Variants in SLC2A3 observed in about 807,000 individuals in gnomAD.
SLC2A3 encodes solute carrier family 2 member 3.
In SLC2A3, 21 loss-of-function variants were observed where a neutral mutation model predicts 46.4. The observed-to-expected ratio is 0.45, with a 90% confidence interval of 0.32 to 0.65. The LOEUF (loss-of-function observed/expected upper bound fraction) is 0.65. Ranked by LOEUF, SLC2A3 falls within the 30% of genes least tolerant of loss-of-function variation. The probability of loss-of-function intolerance (pLI) is 0.04; values close to 1 mark genes in which losing one functional copy is unlikely to be tolerated. For synonymous variants in SLC2A3, 213 were observed against 239.4 expected, an observed-to-expected ratio of 0.89 and a Z score of 1.02; for missense variants, 499 against 623.3, an observed-to-expected ratio of 0.80 and a Z score of 2.12.
rs906522967 is a variant in SLC2A3 at position 7,923,346 on chromosome 12, A to AT, written c.1069-323dup. 2.0e-3 allele frequency: 430 copies of AT among 211,614 alleles called. 1 individual carries two copies. Among genetic ancestry groups the AT allele is most frequent in the South Asian group, 4.1e-3 (43 of 10,430 alleles). The allele number at this position is 211,614 out of a possible 1,614,324, so 13.1% of individuals were successfully genotyped here. ...ACCACACCTGCCTAATTAAAAAAAAATTTTTTTTTTGGCCAGGAGCTGTGG... is the reference window on the plus strand; with the variant it reads ...ACCACACCTGCCTAATTAAAAAAAAATTTTTTTTTTTGGCCAGGAGCTGTGG... On this transcript the variant is annotated intron_variant, in intron 8 of 9. Coordinates refer to ENST00000075120, the MANE Select transcript of SLC2A3 (RefSeq NM_006931.3).
intron 3 of SLC2A3, 99 bp from the exon 4 acceptor site, chr12:7,931,584 T>A: frequency 4.0e-6 from 6 of 1,494,308 alleles, no homozygotes; most frequent in African/African-American, 1.4e-5. Context: ...GCTCATATCA[T>A]CCCTTTTTTT....
intron 6 of SLC2A3, among the ~76,000 whole-genome samples, chr12:7,927,876 G>A (rs1445183410): frequency 6.6e-6 from 1 of 152,094 alleles, no homozygotes; most frequent in African/African-American, 2.4e-5. Context: ...CTGAGGTCAG[G>A]AGTTTGAGAC....
intron 1 of SLC2A3, among the ~76,000 whole-genome samples, chr12:7,935,127 C>T (rs1162591471): frequency 6.6e-6 from 1 of 152,126 alleles, no homozygotes; most frequent in Non-Finnish European, 1.5e-5. Flanking sequence ...CCACACCTGG[C>T]CCCTTATTTT....
At chr12:7,933,456 G>C in intron 2 of SLC2A3, 1 of 483,546 alleles carries the variant, frequency 2.1e-6, no homozygotes, top group Non-Finnish European at 3.7e-6. Context: ...AGGTGAAAGA[G>C]TGGGAGGAAG....
chr12:7,930,171 G>C (rs1444187734), intron 5 of SLC2A3: 1 of 550,672 alleles, frequency 1.8e-6, no homozygotes, highest in Non-Finnish European at 3.0e-6. Context: ...TTTTAGTAGA[G>C]ACAGGGTTTC....
In SLC2A3 at chr12:7,935,715, C is replaced by T. The variant is rs181181938; in HGVS notation, c.15+305G>A. ...AGACCCACACTTGTAATCCATACAA[C>T]CAAGCAGCCCGATCCTCTAAACACT... On this transcript the variant is annotated intron_variant, in intron 1 of 9. Coordinates refer to ENST00000075120, the MANE Select transcript of SLC2A3 (RefSeq NM_006931.3). Among the ~76,000 whole-genome samples, 5 of 152,224 alleles carry T rather than the reference C, an allele frequency of 3.3e-5. No individual in the cohort carries two copies. In the East Asian group the frequency reaches 5.8e-4, roughly 18 times the overall value.
At position 7,922,860 on chromosome 12, in the gene SLC2A3, G is replaced by C. The variant is rs986654659; in HGVS notation, c.1233C>G (p.Thr411=). 1 of 1,614,052 alleles carries C rather than the reference G, an allele frequency of 6.2e-7. No individual in the cohort carries two copies. Among genetic ancestry groups the C allele is most frequent in the African/African-American group, 1.3e-5 (1 of 75,056 alleles). The change falls in exon 9 of 10, where the codon ACC becomes ACG. Residue 411 remains threonine (T), a synonymous_variant. Transcript: ENST00000075120. The part of the protein sequence containing the change: ...AMAVAGCSNW[T]SNFLVGLLFP... ...AGAGCAATCCGACTAGGAAGTTGGA[G>C]GTCCAGTTGGAGCAGCCGGCCACTG... is the stretch of plus-strand genomic sequence containing the variant.
Position 7,920,589 on chromosome 12 carries a change from G to A in SLC2A3, c.*824C>T, listed in dbSNP as rs967727288. The A allele has an allele frequency of 2.0e-5, 3 of 151,990 alleles. No homozygotes were observed. The highest frequency in any genetic ancestry group is 4.4e-5 in the Non-Finnish European group (3 of 67,992). 9.4% of individuals were successfully genotyped at this position (151,990 alleles called of 1,614,324 possible). A position where few individuals can be genotyped will look rare whatever the true frequency, so the allele number is the denominator to read the frequency against. The stretch of plus-strand genomic sequence containing the variant: ...TATTATATAGGTATATGACTTTTAC[G>A]AGAAGTTAAAGAGTTTCCATCTGAA... On this transcript the variant is annotated 3_prime_UTR_variant, in exon 10 of 10. Transcript: ENST00000075120.
rs148937156 is a variant in SLC2A3 at position 7,933,096 on chromosome 12, G to A, written c.160C>T (p.Pro54Ser). ...KTLTDKGNAP[P>S]SEVLLTSLWS... ...AGAGACGTGAGCAGCACCTCAGAGG[G>A]TGGGGCATTTCCCTTGTCCGTCAAA... The change falls in exon 3 of 10, where the codon CCC (proline) becomes TCC (serine). Residue 54 changes from proline (P) to serine (S), a missense_variant. Around this residue, in one of 5 missense-constraint regions of SLC2A3, gnomAD observed 248 missense variants for 284.0 expected, o/e 0.87. Transcript: ENST00000075120. The A allele has an allele frequency of 2.4e-4, 391 of 1,614,090 alleles. 1 individual carries two copies. In the African/African-American group the frequency reaches 4.1e-3, roughly 17 times the overall value.
intron 3 of SLC2A3, among the ~76,000 whole-genome samples, chr12:7,931,871 C>T (rs1231884825): frequency 7.3e-6 from 1 of 137,276 alleles, no homozygotes; most frequent in Non-Finnish European, 1.5e-5. Flanking sequence ...TCTAGAATAT[C>T]TAATTGGCAT....
At chr12:7,935,911 A>G (rs763312147) in intron 1 of SLC2A3, 109 bp downstream of exon 1, 7 of 937,780 alleles carry the variant, frequency 7.5e-6, no homozygotes, top group Non-Finnish European at 1.2e-5. Flanking sequence ...AGGCCTTAAG[A>G]TAGCTTGGTG....
rs953859055 is a variant in SLC2A3, at chr12:7,930,733, C to A, written c.511-91G>T. The A allele has an allele frequency of 8.5e-6, 11 of 1,294,730 alleles. No individual in the cohort carries two copies. In the East Asian group the frequency reaches 2.3e-4, roughly 28 times the overall value. 80.2% of individuals were successfully genotyped at this position (1,294,730 alleles called of 1,614,324 possible). A position where few individuals can be genotyped will look rare whatever the true frequency, so the allele number is the denominator to read the frequency against. On this transcript the variant is annotated intron_variant, in intron 4 of 9. Transcript: ENST00000075120. ...CAAAAAGTTCAGAAAATCATACATT[C>A]TTTTACCATGTGAAAAAATAAACAA...
At chr12:7,931,554 AT>A in intron 3 of SLC2A3, 69 bp from the exon 4 acceptor site, 1 of 1,590,750 alleles carries the variant, frequency 6.3e-7, no homozygotes, top group East Asian at 2.2e-5. Context: ...CTCTGTCCTC[AT>A]TATTCTGTTC....
intron 4 of SLC2A3, 151 bp from the exon 5 acceptor site, chr12:7,930,793 T>G (rs1435828320): frequency 4.6e-4 from 12 of 25,884 alleles, no homozygotes; most frequent in Non-Finnish European, 4.4e-4. Context: ...CTCAGCATGG[T>G]TTTTTTTTTT....
chr12:7,929,557 T>C (rs1266877006), intron 6 of SLC2A3, 127 bp downstream of exon 6: 1 of 1,378,724 alleles, frequency 7.3e-7, no homozygotes, highest in East Asian at 2.6e-5. Flanking sequence ...CTGAAACTCC[T>C]GAGCTCAAGT....
At chr12:7,929,550 A>C in intron 6 of SLC2A3, 134 bp downstream of exon 6, 2 of 1,337,640 alleles carry the variant, frequency 1.5e-6, no homozygotes, top group South Asian at 1.5e-5. Context: ...CTGCAACCTG[A>C]AACTCCTGAG....
At chr12:7,932,842 C>T (rs1946171224) in intron 3 of SLC2A3, 145 bp downstream of exon 3, 22 of 1,210,912 alleles carry the variant, frequency 1.8e-5, no homozygotes, top group South Asian at 6.1e-5. Context: ...CAGTCATATT[C>T]GGGGCCAGTT....
At position 7,919,855 on chromosome 12, in the gene SLC2A3, T is replaced by G. The variant is rs1382319146; in HGVS notation, c.*1558A>C. The G allele has an allele frequency of 6.6e-6, 1 of 152,004 alleles. No individual in the cohort carries two copies. The highest frequency in any genetic ancestry group is 1.5e-5 in the Non-Finnish European group (1 of 68,004). The allele number at this position is 152,004 out of a possible 1,614,324, so 9.4% of individuals were successfully genotyped here. ...GAAGGGAAAGGGAGACTGAGCAACATATGAAAAAGGGGCTGTAGGAACAAA... is the reference window on the plus strand; with the variant it reads ...GAAGGGAAAGGGAGACTGAGCAACAGATGAAAAAGGGGCTGTAGGAACAAA... On this transcript the variant is annotated 3_prime_UTR_variant, in exon 10 of 10. Transcript: ENST00000075120.
chr12:7,936,091 T>G lies in SLC2A3; in HGVS notation c.-57A>C, dbSNP rs1946209994. On this transcript the variant is annotated 5_prime_UTR_variant, in exon 1 of 10. Transcript: ENST00000075120. ...ATCTAGGGGTGATTCCAGAAACAGC[T>G]TTTTCAGCCAACAAAACCTTCAAAA... 2.0e-5 allele frequency: 30 copies of G among 1,487,020 alleles called. 1 individual carries two copies. The South Asian group carries it at 3.3e-4, about 16-fold the overall frequency. The allele number at this position is 1,487,020 out of a possible 1,614,324, so 92.1% of individuals were successfully genotyped here. A position where few individuals can be genotyped will look rare whatever the true frequency, so the allele number is the denominator to read the frequency against.
Sources: allele counts gnomAD v4.1 joint callset (sites outside exome capture counted in the v4.1 genomes callset), GRCh38; gene constraint gnomAD v4.1.1; regional missense constraint gnomAD v4.1.1; transcripts MANE v1.5; gene names NCBI Gene and HGNC (gene_info 2026-07-23, HGNC 2026-07-21).